Variants in NBAS observed in about 807,000 individuals in gnomAD.
The protein encoded by NBAS is NBAS subunit of NRZ tethering complex.
In NBAS, 219 loss-of-function variants were observed where a neutral mutation model predicts 302.5. The observed-to-expected ratio is 0.72, with a 90% CI of 0.65 to 0.81. The LOEUF is 0.81. Among genes scored for constraint, NBAS ranks in the 30% least tolerant of loss-of-function variants. The pLI, the probability that NBAS is intolerant of heterozygous loss-of-function variation, is 0.00. For synonymous variants in NBAS, 1,118 were observed against 1,021.6 expected (o/e 1.09, Z -1.80); for missense variants, 2,932 against 2,841.6 (o/e 1.03, Z -0.72).
chr2:15,188,491 G>A (rs1665190937), intron 49 of NBAS, among the ~76,000 whole-genome samples: 1 of 152,164 alleles, frequency 6.6e-6, no homozygotes, highest in African/African-American at 2.4e-5. Flanking sequence ...TTTGATTTAT[G>A]CCCTGGTTAT....
intron 25 of NBAS, among the ~76,000 whole-genome samples, chr2:15,408,835 G>T (rs1262953423): frequency 6.6e-6 from 1 of 152,118 alleles, no homozygotes; most frequent in Non-Finnish European, 1.5e-5. Flanking sequence ...AAAATTAAAT[G>T]AGTTAATACA....
chr2:15,289,432 G>A (rs747674167), intron 41 of NBAS, among the ~76,000 whole-genome samples: 8 of 152,122 alleles, frequency 5.3e-5, no homozygotes, highest in Non-Finnish European at 1.2e-4. Context: ...ATTTATTTGA[G>A]TACCTACCTC....
chr2:15,050,485 G>A, the NBAS span, among the ~76,000 whole-genome samples: 7 of 152,100 alleles, frequency 4.6e-5, no homozygotes, highest in Admixed American at 4.6e-4. Flanking sequence ...ATTAAGCACA[G>A]CAATTCTGCT....
intron 40 of NBAS, among the ~76,000 whole-genome samples, chr2:15,307,159 T>C (rs1572628411): frequency 1.3e-5 from 2 of 152,172 alleles, no homozygotes; most frequent in African/African-American, 4.8e-5. Flanking sequence ...CTGGGAGCTT[T>C]TGCTTCCCAA....
In NBAS at chr2:15,417,545, T is replaced by C. The variant is rs1677004489; in HGVS notation, c.2745A>G (p.Leu915=). ...ELQQMKDIEK[L]RLLMNSCSED... is the part of the protein sequence containing the mutation. ...AACCTACACTATTCATCAGTAATCTTAGTTTTTCAATGTCTTTCATCTGCT... is the reference window on the plus strand; with the variant it reads ...AACCTACACTATTCATCAGTAATCTCAGTTTTTCAATGTCTTTCATCTGCT... Residue 915 remains leucine (L), a synonymous_variant, in exon 24 of 52, where the codon CTA becomes CTG. Transcript: ENST00000281513. The C allele has an allele frequency of 3.1e-6, 5 of 1,613,486 alleles. No homozygotes were observed. Among genetic ancestry groups the C allele is most frequent in the Non-Finnish European group, 4.2e-6 (5 of 1,179,510 alleles).
chr2:15,052,003 C>A, the NBAS span, among the ~76,000 whole-genome samples: 1 of 152,132 alleles, frequency 6.6e-6, no homozygotes, highest in Non-Finnish European at 1.5e-5. Context: ...CTGTAAAACT[C>A]TGATAACTTA....
At chr2:14,931,046 G>C in the NBAS span, among the ~76,000 whole-genome samples, 1 of 152,166 alleles carries the variant, frequency 6.6e-6, no homozygotes, top group Non-Finnish European at 1.5e-5. Context: ...TGAAGTTCTG[G>C]GGCCCAAAGC....
chr2:15,271,766 T>A (rs1054189302), intron 44 of NBAS, among the ~76,000 whole-genome samples: 4 of 152,168 alleles, frequency 2.6e-5, no homozygotes, highest in Non-Finnish European at 4.4e-5. Flanking sequence ...CCAAGCAAAT[T>A]GTGTTCTGAC....
the NBAS span, among the ~76,000 whole-genome samples, chr2:15,159,312 G>A: frequency 5.9e-5 from 9 of 152,182 alleles, no homozygotes; most frequent in African/African-American, 2.2e-4. Flanking sequence ...TTACCCCTGG[G>A]AGAGCTTGTC....
At chr2:15,008,717 T>G in the NBAS span, among the ~76,000 whole-genome samples, 1 of 152,202 alleles carries the variant, frequency 6.6e-6, no homozygotes, top group African/African-American at 2.4e-5. Flanking sequence ...TGAAATCAGG[T>G]ACACATTGTT....
intron 28 of NBAS, among the ~76,000 whole-genome samples, chr2:15,393,297 A>T (rs1675697682): frequency 6.6e-6 from 1 of 152,108 alleles, no homozygotes; most frequent in African/African-American, 2.4e-5. Flanking sequence ...TTCGCAAAGC[A>T]TATATCTAAT....
chr2:14,849,074 G>C, the NBAS span, among the ~76,000 whole-genome samples: 1 of 150,562 alleles, frequency 6.6e-6, no homozygotes, highest in Admixed American at 6.6e-5. Flanking sequence ...AAGCTGGATG[G>C]AGAATGATTT....
chr2:14,873,078 G>T, the NBAS span, among the ~76,000 whole-genome samples: 3,093 of 152,280 alleles, frequency 0.02, 112 homozygotes, highest in African/African-American at 0.07. Context: ...GGTGGACTGC[G>T]TTTATTCCCT....
downstream of NBAS, among the ~76,000 whole-genome samples, chr2:15,164,561 C>T (rs1013518004): frequency 2.0e-5 from 3 of 152,080 alleles, no homozygotes; most frequent in Non-Finnish European, 4.4e-5. Context: ...CCCTGGGGGC[C>T]GCGTCCCAGG....
the NBAS span, among the ~76,000 whole-genome samples, chr2:15,102,523 C>A: frequency 2.0e-5 from 3 of 152,212 alleles, no homozygotes; most frequent in Non-Finnish European, 4.4e-5. Flanking sequence ...CTGCTCTTAT[C>A]TAAATTCCCC....
At chr2:15,500,898 T>C (rs907365566) in intron 11 of NBAS, among the ~76,000 whole-genome samples, 3 of 150,580 alleles carry the variant, frequency 2.0e-5, no homozygotes, top group Non-Finnish European at 4.4e-5. Flanking sequence ...CACTCCAGCC[T>C]GGGTGACAGA....
At chr2:15,268,760 C>G (rs1669188602) in intron 44 of NBAS, among the ~76,000 whole-genome samples, 1 of 152,176 alleles carries the variant, frequency 6.6e-6, no homozygotes. Context: ...AAGCCACAGT[C>G]TCCAGGCCAA....
chr2:15,136,310 C>T, the NBAS span, among the ~76,000 whole-genome samples: 1 of 152,174 alleles, frequency 6.6e-6, no homozygotes, highest in Non-Finnish European at 1.5e-5. Context: ...ACAGTCATAT[C>T]AGAGCCTATA....
At chr2:15,017,732 G>A in the NBAS span, among the ~76,000 whole-genome samples, 1 of 152,044 alleles carries the variant, frequency 6.6e-6, no homozygotes, top group Admixed American at 6.5e-5. Flanking sequence ...ATGGAAAACA[G>A]TAGAGAGGTT....
Sources: gnomAD v4.1 joint callset for allele counts (sites outside exome capture counted in the v4.1 genomes callset) on GRCh38, gnomAD v4.1.1 for gene constraint, MANE v1.5 for transcripts, NCBI Gene and HGNC (gene_info 2026-07-23, HGNC 2026-07-21) for gene names.